Variants in EFS observed in about 807,000 individuals in gnomAD.
EFS encodes the protein Cas scaffolding protein family member 3.
A neutral mutation model predicts 42.2 loss-of-function variants in EFS; 34 were observed. That is an observed-to-expected ratio of 0.81 (90% CI 0.61 to 1.07). The LOEUF (loss-of-function observed/expected upper bound fraction) is 1.07, where lower values mean the gene tolerates loss of function less well. Ranked by LOEUF, EFS falls within the 50% of genes least tolerant of loss-of-function variation. The pLI, the probability that EFS is intolerant of heterozygous loss-of-function variation, is 0.00. For synonymous variants in EFS, 299 were observed against 320.7 expected, an observed-to-expected ratio of 0.93 and a Z score of 0.72; for missense variants, 717 against 729.4, an observed-to-expected ratio of 0.98 and a Z score of 0.20.
Position 23,357,512 on chromosome 14 carries a change from G to T in EFS, c.1400C>A (p.Pro467Gln), listed in dbSNP as rs747887708. 1.9e-6 allele frequency: 3 copies of T among 1,613,918 alleles called. No homozygotes were observed. The East Asian group carries it at 6.7e-5, about 36-fold the overall frequency. ...LMSSTQANQP[P>Q]RLFVPHSKRV... The stretch of plus-strand genomic sequence containing the variant: ...CTTGCTGTGGGGCACGAAAAGGCGC[G>T]GGGGCTGATTAGCCTGGGTACTGGA... Residue 467 changes from proline to glutamine, a missense_variant, in exon 6 of 6, where the codon CCG becomes CAG. Coordinates refer to ENST00000216733, the MANE Select transcript of EFS (RefSeq NM_005864.4).
chr14:23,358,805 C>T, intron 5 of EFS, 71 bp downstream of exon 5: 3 of 1,387,156 alleles, frequency 2.2e-6, no homozygotes, highest in Non-Finnish European at 3.0e-6. Flanking sequence ...GTTGATGGCT[C>T]AGTTCTTCTC....
At chr14:23,364,253 G>A (rs1267706623) in intron 1 of EFS, among the ~76,000 whole-genome samples, 1 of 152,186 alleles carries the variant, frequency 6.6e-6, no homozygotes, top group Non-Finnish European at 1.5e-5. Context: ...CAAGCCTCTG[G>A]GCCCTGCCAT....
chr14:23,359,334 C>A lies in EFS; in HGVS notation c.1144G>T (p.Asp382Tyr). The A allele has an allele frequency of 6.2e-7, 1 of 1,613,144 alleles. No homozygotes were observed. Among genetic ancestry groups the A allele is most frequent in the South Asian group, 1.1e-5 (1 of 91,058 alleles). The change falls in exon 4 of 6, where the codon GAC becomes TAC. Residue 382 changes from aspartate to tyrosine, a missense_variant. Asp to Tyr is a radical substitution (Grantham distance 160). Coordinates refer to ENST00000216733, the MANE Select transcript of EFS (RefSeq NM_005864.4). The stretch of plus-strand genomic sequence containing the variant: ...GCGCTCACCTTCAGGTGGACATAGT[C>A]ATACTCCTCGGCCATCGGAATGCCC... ...YEGIPMAEEY[D>Y]YVHLKGMDKA...
chr14:23,361,121 C>T (rs1007376686), intron 1 of EFS, among the ~76,000 whole-genome samples: 2 of 152,228 alleles, frequency 1.3e-5, no homozygotes, highest in Non-Finnish European at 2.9e-5. Context: ...CATCCTCGTA[C>T]TTTATACTAT....
Position 23,359,939 on chromosome 14 carries a change from G to A in EFS, c.539C>T (p.Pro180Leu), listed in dbSNP as rs200929899. 1 of 1,563,248 alleles carries A rather than the reference G, an allele frequency of 6.4e-7. No individual in the cohort carries two copies. Among genetic ancestry groups the A allele is most frequent in the Non-Finnish European group, 8.7e-7 (1 of 1,155,850 alleles). ...ATAGGGAGCATCATCCTCTCCAGGGGGCTGCGGGGCAACCCGGGTCAGAGG... is the reference window on the plus strand; with the variant it reads ...ATAGGGAGCATCATCCTCTCCAGGGAGCTGCGGGGCAACCCGGGTCAGAGG... ...SHPLTRVAPQ[P>L]PGEDDAPYDV... The change falls in exon 4 of 6, where the codon CCC becomes CTC. Residue 180 changes from proline to leucine, a missense_variant. Coordinates refer to ENST00000216733, the MANE Select transcript of EFS (RefSeq NM_005864.4).
In EFS at chr14:23,360,841, G is replaced by A. The variant is rs751418618; in HGVS notation, c.19-8C>T. On this transcript the variant is annotated splice_polypyrimidine_tract_variant and splice_region_variant and intron_variant, in intron 1 of 5. Coordinates refer to ENST00000216733, the MANE Select transcript of EFS (RefSeq NM_005864.4). The stretch of plus-strand genomic sequence containing the variant: ...TGCCCGGGCCAGCTGGGTCTGGTTG[G>A]GGAGGTGGGAGTGGGGAGAAGGGTC... 2.5e-6 allele frequency: 4 copies of A among 1,604,926 alleles called. No individual in the cohort carries two copies. Among genetic ancestry groups the A allele is most frequent in the Non-Finnish European group, 3.4e-6 (4 of 1,174,948 alleles).
At chr14:23,358,239 C>T (rs1225751318) in intron 5 of EFS, among the ~76,000 whole-genome samples, 1 of 152,098 alleles carries the variant, frequency 6.6e-6, no homozygotes, top group African/African-American at 2.4e-5. Flanking sequence ...GTATGTACCT[C>T]ATGAGGCTGC....
chr14:23,356,510 G>A lies in EFS; in HGVS notation c.*716C>T, dbSNP rs908149421. 2.6e-5 allele frequency: 4 copies of A among 152,192 alleles called. No homozygotes were observed. The highest frequency in any genetic ancestry group is 9.7e-5 in the African/African-American group (4 of 41,428). The allele number at this position is 152,192 out of a possible 1,614,324, so 9.4% of individuals were successfully genotyped here. A position where few individuals can be genotyped will look rare whatever the true frequency, so the allele number is the denominator to read the frequency against. Reference sequence around the variant, plus strand: ...GCAGAACTGTGCCTGGCGCGTCATGGGAGCAGAGAACTTGTCCAGTGAATA... The same window carrying A: ...GCAGAACTGTGCCTGGCGCGTCATGAGAGCAGAGAACTTGTCCAGTGAATA... On this transcript the variant is annotated 3_prime_UTR_variant, in exon 6 of 6. Coordinates refer to ENST00000216733, the MANE Select transcript of EFS (RefSeq NM_005864.4).
At chr14:23,362,870 G>A (rs1040393329) in intron 1 of EFS, among the ~76,000 whole-genome samples, 82 of 151,460 alleles carry the variant, frequency 5.4e-4, no homozygotes, top group African/African-American at 1.9e-3. Context: ...TGGGATTACC[G>A]TTGCGACCCA....
At position 23,365,094 on chromosome 14, in the gene EFS, C is replaced by A; in HGVS notation, c.-69G>T. On this transcript the variant is annotated 5_prime_UTR_variant, in exon 1 of 6. Coordinates refer to ENST00000216733, the MANE Select transcript of EFS (RefSeq NM_005864.4). The surrounding 1 kb of genome is among the most constrained non-coding windows in gnomAD (Gnocchi z 5.3). ...TTGCTGACTTCAGCGGTGGCTGCCC[C>A]GCACCATGGTCCGCGGCCTCTAGCC... 8.0e-7 allele frequency: 1 copy of A among 1,251,192 alleles called. No individual in the cohort carries two copies. The allele number at this position is 1,251,192 out of a possible 1,614,324, so 77.5% of individuals were successfully genotyped here.
At chr14:23,360,914 G>A in intron 1 of EFS, 81 bp from the exon 2 acceptor site, 11 of 1,378,090 alleles carry the variant, frequency 8.0e-6, no homozygotes, top group Non-Finnish European at 1.1e-5. Context: ...ACCCTTCGGA[G>A]CTCCGCATTT....
intron 1 of EFS, among the ~76,000 whole-genome samples, chr14:23,362,911 TTC>T (rs1221239118): frequency 6.9e-6 from 1 of 144,274 alleles, no homozygotes; most frequent in African/African-American, 2.7e-5. Context: ...TTCTTTTTCT[TTC>T]TTTCTTTTTT....
Position 23,357,141 on chromosome 14 carries a change from T to G in EFS, c.*85A>C. The G allele has an allele frequency of 7.6e-7, 1 of 1,316,196 alleles. No homozygotes were observed. Among genetic ancestry groups the G allele is most frequent in the African/African-American group, 1.5e-5 (1 of 67,808 alleles). The allele number at this position is 1,316,196 out of a possible 1,614,324, so 81.5% of individuals were successfully genotyped here. ...GGAAAGATACCCCCATTTCTCCTAG[T>G]CCCTTAACAAAGCCTTCCAGCCACC... On this transcript the variant is annotated 3_prime_UTR_variant, in exon 6 of 6. Transcript: ENST00000216733.
chr14:23,364,163 A>G (rs769007375), intron 1 of EFS, among the ~76,000 whole-genome samples: 7 of 152,190 alleles, frequency 4.6e-5, no homozygotes, highest in Non-Finnish European at 1.0e-4. Context: ...TTCAGACTGC[A>G]TAGACTGTAG....
In EFS at chr14:23,360,698, G is replaced by A. The variant is rs1890120178; in HGVS notation, c.154C>T (p.His52Tyr). The A allele has an allele frequency of 6.2e-7, 1 of 1,614,030 alleles. No homozygotes were observed. The highest frequency in any genetic ancestry group is 8.5e-7 in the Non-Finnish European group (1 of 1,179,998). Residue 52 changes from histidine to tyrosine, a missense_variant, in exon 2 of 6, where the codon CAC becomes TAC. By Grantham distance (83) the His-to-Tyr change is moderately conservative (BLOSUM62 2). Transcript: ENST00000216733. ...GLDGWCLCSL[H>Y]GQQGIVPANR... Reference sequence around the variant, plus strand: ...GCGGGCACAATGCCCTGCTGGCCGTGTAGGGAGCAGAGGCACCAGCCGTCC... The same window carrying A: ...GCGGGCACAATGCCCTGCTGGCCGTATAGGGAGCAGAGGCACCAGCCGTCC...
Position 23,357,218 on chromosome 14 carries a change from A to G in EFS, c.*8T>C, listed in dbSNP as rs560566108. On this transcript the variant is annotated 3_prime_UTR_variant, in exon 6 of 6. Transcript: ENST00000216733. ...GCAGGGGAGGAGCAGAGCTGTGCCA[A>G]AGGACCTTCATGGAGCCAGGCTAGT... 95 of 1,532,758 alleles carry G rather than the reference A, an allele frequency of 6.2e-5. No individual in the cohort carries two copies. The South Asian group carries it at 1.2e-3, about 19-fold the overall frequency. The allele number at this position is 1,532,758 out of a possible 1,614,324, so 94.9% of individuals were successfully genotyped here.
rs932744572 is a variant in EFS, at chr14:23,365,090, G to A, written c.-65C>T. 6.4e-6 allele frequency: 8 copies of A among 1,256,026 alleles called. No homozygotes were observed. The African/African-American group carries it at 1.1e-4, about 17-fold the overall frequency. The allele number at this position is 1,256,026 out of a possible 1,614,324, so 77.8% of individuals were successfully genotyped here. A position where few individuals can be genotyped will look rare whatever the true frequency, so the allele number is the denominator to read the frequency against. The stretch of plus-strand genomic sequence containing the variant: ...GGTTTTGCTGACTTCAGCGGTGGCT[G>A]CCCCGCACCATGGTCCGCGGCCTCT... On this transcript the variant is annotated 5_prime_UTR_variant, in exon 1 of 6. Transcript: ENST00000216733. This position sits in a 1 kb window ranked among gnomAD's most constrained non-coding sequence, Gnocchi z 5.3.
chr14:23,358,749 TG>T, intron 5 of EFS, 126 bp downstream of exon 5: 1 of 816,660 alleles, frequency 1.2e-6, no homozygotes, highest in Non-Finnish European at 1.9e-6. Flanking sequence ...GCTCTGTCCC[TG>T]GTTCCTGTGA....
At chr14:23,362,108 T>C (rs1267312870) in intron 1 of EFS, among the ~76,000 whole-genome samples, 2 of 152,256 alleles carry the variant, frequency 1.3e-5, no homozygotes, top group African/African-American at 4.8e-5. Context: ...TTATACCCTA[T>C]TTCCCTTTGC....
Sources: gnomAD v4.1 joint callset for allele counts (sites outside exome capture counted in the v4.1 genomes callset) on GRCh38, gnomAD v4.1.1 for gene constraint, Gnocchi (gnomAD v3.1) non-coding constraint, MANE v1.5 for transcripts, NCBI Gene and HGNC (gene_info 2026-07-23, HGNC 2026-07-21) for gene names.